Variants in ARL13B observed in about 807,000 individuals in gnomAD.
ARL13B encodes the protein ADP-ribosylation factor-like protein 13B.
ARL13B carries 36 observed loss-of-function variants against 56.1 expected under a neutral mutation model. The ratio of observed to expected loss-of-function variants is 0.64; its 90% CI spans 0.49 to 0.85. The LOEUF is 0.85. Ranked by LOEUF, ARL13B falls within the 40% of genes least tolerant of loss-of-function variation. ARL13B has a pLI of 0.00. For synonymous variants in ARL13B, 178 were observed against 171.1 expected (o/e 1.04, Z -0.32); for missense variants, 519 against 507.1 (o/e 1.02, Z -0.23).
At chr3:94,036,952 TAGTTAAA>T (rs1384273466) in intron 5 of ARL13B, among the ~76,000 whole-genome samples, 198 bp downstream of exon 5, 1 of 152,212 alleles carries the variant, frequency 6.6e-6, no homozygotes, top group Non-Finnish European at 1.5e-5. Context: ...GGTTGTATAA[TAGTTAAA>T]TTTACTCCTT....
chr3:93,998,329 T>C (rs1019723757), intron 2 of ARL13B, among the ~76,000 whole-genome samples: 4 of 152,196 alleles, frequency 2.6e-5, no homozygotes, highest in Non-Finnish European at 5.9e-5. Context: ...TCCTCTTTCC[T>C]TTCTTTCTCT....
chr3:94,003,856 G>A lies in ARL13B; in HGVS notation c.328G>A (p.Ala110Thr). ...AGAGAGAATGGAAGAGACAAAAGAG[G>A]CTATGTCAGAAATGCTAAGACATCC... ...DEERMEETKE[A>T]MSEMLRHPRI... Residue 110 changes from alanine to threonine, a missense_variant, in exon 3 of 10, where the codon GCT becomes ACT. Coordinates refer to ENST00000394222, the MANE Select transcript of ARL13B (RefSeq NM_001174150.2). 3.1e-6 allele frequency: 5 copies of A among 1,613,648 alleles called. No individual in the cohort carries two copies. Among genetic ancestry groups the A allele is most frequent in the Non-Finnish European group, 4.2e-6 (5 of 1,179,706 alleles).
At chr3:94,005,405 C>T (rs1391824643) in intron 3 of ARL13B, among the ~76,000 whole-genome samples, 1 of 152,152 alleles carries the variant, frequency 6.6e-6, no homozygotes, top group African/African-American at 2.4e-5. Context: ...GAGAAACTGA[C>T]ATTTGAAATG....
intron 2 of ARL13B, among the ~76,000 whole-genome samples, chr3:94,000,488 C>T (rs1006001278): frequency 2.6e-5 from 4 of 151,236 alleles, no homozygotes; most frequent in African/African-American, 9.7e-5. Flanking sequence ...TGGACTGGTC[C>T]CTAGCATTGT....
intron 1 of ARL13B, among the ~76,000 whole-genome samples, chr3:93,981,509 G>T (rs1710215051): frequency 6.6e-6 from 1 of 152,094 alleles, no homozygotes; most frequent in African/African-American, 2.4e-5. Context: ...AACTTTAAAT[G>T]AAACTAGAGA....
intron 1 of ARL13B, among the ~76,000 whole-genome samples, chr3:93,990,360 T>G (rs188496329): frequency 6.6e-6 from 1 of 152,130 alleles, no homozygotes; most frequent in Admixed American, 6.6e-5. Flanking sequence ...TTCTCAAATT[T>G]TTAATTTTTT....
At chr3:94,048,561 G>C (rs1474038650) in intron 7 of ARL13B, among the ~76,000 whole-genome samples, 1 of 151,856 alleles carries the variant, frequency 6.6e-6, no homozygotes, top group African/African-American at 2.4e-5. Context: ...ACCTTCTTTA[G>C]GAGTTATTTT....
chr3:94,037,229 G>A (rs1430594447), intron 5 of ARL13B, among the ~76,000 whole-genome samples: 2 of 152,166 alleles, frequency 1.3e-5, no homozygotes, highest in African/African-American at 2.4e-5. Flanking sequence ...TGTCAATAAC[G>A]TTGAGACTGA....
intron 3 of ARL13B, among the ~76,000 whole-genome samples, chr3:94,006,306 A>G (rs2076133812): frequency 6.6e-6 from 1 of 152,174 alleles, no homozygotes; most frequent in Admixed American, 6.5e-5. Flanking sequence ...AAAAATAAAT[A>G]AATAAAATTT....
chr3:93,980,179 A>C lies in ARL13B; in HGVS notation c.-245A>C. ...GGCTTTTCTTTAGCCGGGTCCCGCT[A>C]ACTCGGCTACGGTGTATCTGCGTCT... On this transcript the variant is annotated 5_prime_UTR_variant, in exon 1 of 10. Coordinates refer to ENST00000394222, the MANE Select transcript of ARL13B (RefSeq NM_001174150.2). The C allele has an allele frequency of 3.0e-6, 2 of 665,582 alleles. No homozygotes were observed. The highest frequency in any genetic ancestry group is 5.5e-6 in the Non-Finnish European group (2 of 365,066). 41.2% of individuals were successfully genotyped at this position (665,582 alleles called of 1,614,324 possible). A position where few individuals can be genotyped will look rare whatever the true frequency, so the allele number is the denominator to read the frequency against.
intron 3 of ARL13B, among the ~76,000 whole-genome samples, chr3:94,013,582 T>G (rs960088606): frequency 6.6e-6 from 1 of 152,236 alleles, no homozygotes; most frequent in Non-Finnish European, 1.5e-5. Context: ...ACAAATTAGA[T>G]TCTTCAAGTA....
intron 3 of ARL13B, among the ~76,000 whole-genome samples, chr3:94,017,966 G>C (rs2076365837): frequency 2.0e-5 from 3 of 152,132 alleles, no homozygotes; most frequent in Admixed American, 2.0e-4. Flanking sequence ...GCCAAAGGAA[G>C]GAGTTTAGAT....
intron 7 of ARL13B, among the ~76,000 whole-genome samples, chr3:94,046,581 T>G (rs955011720): frequency 6.6e-6 from 1 of 152,150 alleles, no homozygotes; most frequent in Non-Finnish European, 1.5e-5. Context: ...TAGTCACTTG[T>G]TGGTGGGCAT....
chr3:93,989,073 T>C (rs1375229692), intron 1 of ARL13B: 1 of 199,174 alleles, frequency 5.0e-6, no homozygotes, highest in African/African-American at 2.4e-5. Context: ...CTATTTCAGT[T>C]TTGAAAGTCT....
At chr3:94,033,166 G>A (rs1031849666) in intron 3 of ARL13B, among the ~76,000 whole-genome samples, 3 of 152,152 alleles carry the variant, frequency 2.0e-5, no homozygotes, top group Non-Finnish European at 4.4e-5. Flanking sequence ...TAAATAATGT[G>A]TACACATTGA....
chr3:94,029,925 A>G (rs1162566672), intron 3 of ARL13B, among the ~76,000 whole-genome samples: 1 of 152,218 alleles, frequency 6.6e-6, no homozygotes, highest in African/African-American at 2.4e-5. Flanking sequence ...AGAAGAATAT[A>G]TATAATATGC....
At chr3:93,989,831 A>G (rs2075835969) in intron 1 of ARL13B, among the ~76,000 whole-genome samples, 1 of 152,188 alleles carries the variant, frequency 6.6e-6, no homozygotes, top group Non-Finnish European at 1.5e-5. Context: ...TACTAGTATA[A>G]CATACTGTAA....
chr3:94,043,285 A>G (rs758549415), intron 7 of ARL13B, 45 bp downstream of exon 7: 133 of 1,475,542 alleles, frequency 9.0e-5, no homozygotes, highest in Non-Finnish European at 1.2e-4. Context: ...TGTATATATA[A>G]ATAAAACTTA....
chr3:94,035,480 C>G, intron 4 of ARL13B, 44 bp downstream of exon 4: 1 of 1,305,924 alleles, frequency 7.7e-7, no homozygotes, highest in Non-Finnish European at 1.1e-6. Context: ...TTTGTCCTTT[C>G]AAATAGGTTC....
Sources: gnomAD v4.1 joint callset for allele counts (sites outside exome capture counted in the v4.1 genomes callset) on GRCh38, gnomAD v4.1.1 for gene constraint, MANE v1.5 for transcripts, NCBI Gene and HGNC (gene_info 2026-07-23, HGNC 2026-07-21) for gene names.